The following DDOST variants were observed in gnomAD, a reference collection of about 807,000 sequenced individuals.
The protein encoded by DDOST is dolichyl-diphosphooligosaccharide--protein glycosyltransferase 48 kDa subunit.
Under a neutral mutation model 47.6 loss-of-function variants are expected in DDOST, and 25 were observed. The observed-to-expected ratio is 0.53, with a 90% confidence interval of 0.38 to 0.73. The LOEUF is 0.73. Among genes scored for constraint, DDOST ranks in the 30% least tolerant of loss-of-function variants. The pLI is 0.00. For missense variants in DDOST, 526 were observed against 573.9 expected (o/e 0.92, Z 0.85); for synonymous variants, 275 against 236.0 (o/e 1.17, Z -1.51).
At position 20,655,509 on chromosome 1, in the gene DDOST, TCA is replaced by T; in HGVS notation, c.480_481del (p.Asn162ProfsTer28). The T allele has an allele frequency of 6.2e-7, 1 of 1,614,114 alleles. No homozygotes were observed. The highest frequency in any genetic ancestry group is 8.5e-7 in the Non-Finnish European group (1 of 1,179,990). ...GATGGTTGGGGCCTTCAGCAGGTTC[TCA>T]GTGTCAGCCACGATGAGCGTATGCT... On this transcript the variant is annotated frameshift_variant, in exon 5 of 11. Coordinates refer to ENST00000602624, the MANE Select transcript of DDOST (RefSeq NM_005216.5). LOFTEE classifies it high-confidence loss of function.
In DDOST at chr1:20,651,855, T is replaced by TAACA. The variant is rs1388138917; in HGVS notation, c.*520_*523dup. The TAACA allele has an allele frequency of 2.8e-5, 4 of 145,388 alleles. No individual in the cohort carries two copies. The East Asian group carries it at 8.5e-4, about 31-fold the overall frequency. The allele number at this position is 145,388 out of a possible 1,614,324, so 9.0% of individuals were successfully genotyped here. A position where few individuals can be genotyped will look rare whatever the true frequency, so the allele number is the denominator to read the frequency against. On this transcript the variant is annotated 3_prime_UTR_variant, in exon 11 of 11. Coordinates refer to ENST00000602624, the MANE Select transcript of DDOST (RefSeq NM_005216.5). ...TTTATTTATATTTGAGACAGAGTCT[T>TAACA]AACACTGTTGCCCAGGCTGGAGTGC... is the stretch of plus-strand genomic sequence containing the variant.
intron 5 of DDOST, among the ~76,000 whole-genome samples, chr1:20,655,171 G>GTTTTTT (rs869053335): frequency 2.6e-5 from 2 of 77,234 alleles, no homozygotes; most frequent in Admixed American, 1.5e-4. Flanking sequence ...ACTTTTTTTT[G>GTTTTTT]TTTTTTTTTT....
chr1:20,661,007 C>A lies in DDOST; in HGVS notation c.155-16G>T. The A allele has an allele frequency of 6.3e-7, 1 of 1,593,064 alleles. No homozygotes were observed. The highest frequency in any genetic ancestry group is 8.6e-7 in the Non-Finnish European group (1 of 1,161,270). ...AAGCCCCGGTCTGGACAAGAAAAAA[C>A]AGGTAGTTGAGGAAGACGGGACGCG... On this transcript the variant is annotated splice_polypyrimidine_tract_variant and intron_variant, in intron 1 of 10. Transcript: ENST00000602624.
In DDOST at chr1:20,654,677, C is replaced by T. The variant is rs1204272787; in HGVS notation, c.582G>A (p.Val194=). The T allele has an allele frequency of 3.2e-6, 5 of 1,561,870 alleles. No individual in the cohort carries two copies. Among genetic ancestry groups the T allele is most frequent in the Non-Finnish European group, 4.3e-6 (5 of 1,151,878 alleles). ...TGGAAGAGCCCGTCAGGATGTCCAG[C>T]ACCAAAGGGTTATCAGGATCGGCCA... ...GMVADPDNPL[V]LDILTGSSTS... Residue 194 remains valine (V), a synonymous_variant, in exon 6 of 11, where the codon GTG becomes GTA. Transcript: ENST00000602624.
intron 5 of DDOST, 103 bp downstream of exon 5, chr1:20,655,337 C>A: frequency 1.2e-6 from 1 of 819,584 alleles, no homozygotes; most frequent in Non-Finnish European, 2.1e-6. Flanking sequence ...ATCCCATCTA[C>A]GTACCCTTAA....
In DDOST at chr1:20,661,256, A is replaced by C. The variant is rs763079640; in HGVS notation, c.95T>G (p.Val32Gly). The change falls in exon 1 of 11, where the codon GTG becomes GGG. Residue 32 changes from valine (V) to glycine (G), a missense_variant. By Grantham distance (109) the Val-to-Gly change is moderately radical. Coordinates refer to ENST00000602624, the MANE Select transcript of DDOST (RefSeq NM_005216.5). ...AVCASGPRTL[V>G]LLDNLNVRET... ...CCGCACGTTGAGGTTGTCCAGCAGC[A>C]CTAAGGTGCGGGGTCCGCTGGCGCA... 6.2e-7 allele frequency: 1 copy of C among 1,614,040 alleles called. No individual in the cohort carries two copies. The highest frequency in any genetic ancestry group is 1.7e-5 in the Admixed American group (1 of 60,030).
intron 3 of DDOST, 142 bp downstream of exon 3, chr1:20,655,959 T>C: frequency 1.2e-6 from 1 of 845,238 alleles, no homozygotes; most frequent in Non-Finnish European, 2.0e-6. Flanking sequence ...AGGAGTCAGA[T>C]TCTGAACTGA....
In DDOST at chr1:20,661,307, A is replaced by C. The variant is rs780728445; in HGVS notation, c.44T>G (p.Leu15Trp). The C allele has an allele frequency of 6.2e-7, 1 of 1,613,730 alleles. No homozygotes were observed. Among genetic ancestry groups the C allele is most frequent in the African/African-American group, 1.3e-5 (1 of 74,938 alleles). Residue 15 changes from leucine (L) to tryptophan (W), a missense_variant, in exon 1 of 11, where the codon TTG becomes TGG. Transcript: ENST00000602624. The part of the protein sequence containing the change: ...TAARAWALFW[L>W]LLPLLGAVCA... ...AACCGCGCCAAGCAAGGGCAGCAGC[A>C]ACCAAAAGAGGGCCCAAGCCCGGGC...
chr1:20,655,341 C>T lies in DDOST; in HGVS notation c.551+99G>A, dbSNP rs1052581145. On this transcript the variant is annotated intron_variant, in intron 5 of 10. Coordinates refer to ENST00000602624, the MANE Select transcript of DDOST (RefSeq NM_005216.5). ...ATAACAAATTAATCCCATCTACGTA[C>T]CCTTAAAGAATTACAATTTTGCCTT... 22 of 845,412 alleles carry T rather than the reference C, an allele frequency of 2.6e-5. No individual in the cohort carries two copies. The Admixed American group carries it at 3.4e-4, about 13-fold the overall frequency. 52.4% of individuals were successfully genotyped at this position (845,412 alleles called of 1,614,324 possible). A position where few individuals can be genotyped will look rare whatever the true frequency, so the allele number is the denominator to read the frequency against.
intron 7 of DDOST, 94 bp downstream of exon 7, chr1:20,654,129 T>C: frequency 2.8e-6 from 4 of 1,414,024 alleles, no homozygotes; most frequent in Non-Finnish European, 3.8e-6. Flanking sequence ...CTGACACTTT[T>C]AGCTAAAAGC....
At chr1:20,656,810 A>G (rs1352477077) in intron 2 of DDOST, among the ~76,000 whole-genome samples, 1 of 152,228 alleles carries the variant, frequency 6.6e-6, no homozygotes, top group African/African-American at 2.4e-5. Flanking sequence ...TGTAACTGTG[A>G]GATCCTATCC....
At position 20,661,285 on chromosome 1, in the gene DDOST, C is replaced by T. The variant is rs17837938; in HGVS notation, c.66G>A (p.Ala22=). 7.1e-3 allele frequency: 11,410 copies of T among 1,613,894 alleles called. 291 individuals carry two copies. The highest frequency in any genetic ancestry group is 0.052 in the African/African-American group (3,906 of 75,050). Residue 22 remains alanine, a synonymous_variant, in exon 1 of 11, where the codon GCG becomes GCA. Transcript: ENST00000602624. ...AGGTGCGGGGTCCGCTGGCGCAAAC[C>T]GCGCCAAGCAAGGGCAGCAGCAACC... ...LFWLLLPLLG[A]VCASGPRTLV... is the part of the protein sequence containing the mutation.
At chr1:20,660,646 T>C (rs1487673110) in intron 2 of DDOST, 12 of 430,226 alleles carry the variant, frequency 2.8e-5, no homozygotes, top group East Asian at 8.6e-5. Context: ...AGCAGGGCCC[T>C]GGGTTCCACG....
rs768576471 is a variant in DDOST, at chr1:20,652,881, G to A, written c.1033C>T (p.Pro345Ser). ...DIQLEFVRID[P>S]FVRTFLKKKG... is the part of the protein sequence containing the mutation. ...TTCTTCAGGAAGGTCCTCACAAAAGGATCAATGCGGACAAACTCCAGCTGA... is the reference window on the plus strand; with the variant it reads ...TTCTTCAGGAAGGTCCTCACAAAAGAATCAATGCGGACAAACTCCAGCTGA... The change falls in exon 9 of 11, where the codon CCT (proline) becomes TCT (serine). Residue 345 changes from proline to serine, a missense_variant. Pro to Ser is a moderately conservative substitution (Grantham distance 74). Coordinates refer to ENST00000602624, the MANE Select transcript of DDOST (RefSeq NM_005216.5). 1.2e-6 allele frequency: 2 copies of A among 1,614,178 alleles called. No homozygotes were observed. Among genetic ancestry groups the A allele is most frequent in the South Asian group, 1.1e-5 (1 of 91,078 alleles).
intron 2 of DDOST, among the ~76,000 whole-genome samples, chr1:20,657,227 A>G (rs1382384200): frequency 1.3e-5 from 2 of 152,218 alleles, no homozygotes; most frequent in African/African-American, 4.8e-5. Flanking sequence ...AGTGAGCAGC[A>G]GGAGGTAAGG....
At chr1:20,653,104 GC>G in intron 8 of DDOST, 133 bp from the exon 9 acceptor site, 2 of 1,084,708 alleles carry the variant, frequency 1.8e-6, no homozygotes, top group Non-Finnish European at 1.3e-6. Context: ...ACCTGCAGAT[GC>G]CCCTGCCACC....
intron 6 of DDOST, 89 bp from the exon 7 acceptor site, chr1:20,654,460 C>CA: frequency 5.7e-6 from 8 of 1,410,598 alleles, no homozygotes; most frequent in Non-Finnish European, 7.8e-6. Context: ...CAGGCCAGAC[C>CA]AAAACGACCC....
At chr1:20,652,809 G>T (rs765422891) in intron 9 of DDOST, 42 bp downstream of exon 9, 3 of 1,565,388 alleles carry the variant, frequency 1.9e-6, no homozygotes, top group Non-Finnish European at 1.7e-6. Context: ...GTGAGGCCTG[G>T]GGCCGTTTCT....
Position 20,660,899 on chromosome 1 carries a change from A to C in DDOST, c.247T>G (p.Phe83Val). ...CCCTTACCTTCTACCGAAGGGGAGA[A>C]AATGATGAGATTGTCATAGAGGAAT... The part of the protein sequence containing the change: ...GEFLYDNLII[F>V]SPSVEDFGGN... The change falls in exon 2 of 11, where the codon TTC becomes GTC. Residue 83 changes from phenylalanine (F) to valine (V), a missense_variant. Physicochemically the swap from Phe to Val is conservative, Grantham distance 50 (BLOSUM62 -1). Coordinates refer to ENST00000602624, the MANE Select transcript of DDOST (RefSeq NM_005216.5). The C allele has an allele frequency of 1.2e-6, 2 of 1,609,674 alleles. No homozygotes were observed. The highest frequency in any genetic ancestry group is 3.3e-4 in the Middle Eastern group (2 of 6,052).
Sources: allele counts gnomAD v4.1 joint callset (sites outside exome capture counted in the v4.1 genomes callset), GRCh38; gene constraint gnomAD v4.1.1; transcripts MANE v1.5; gene names NCBI Gene and HGNC (gene_info 2026-07-23, HGNC 2026-07-21).